Variants in CCDC167 observed in about 807,000 individuals in gnomAD.
CCDC167 encodes coiled-coil domain-containing protein 167.
In CCDC167, 15 loss-of-function variants were observed where a neutral mutation model predicts 12.7. The ratio of observed to expected loss-of-function variants is 1.18; its 90% CI spans 0.79 to 1.81. CCDC167 has a LOEUF of 1.81. Among genes scored for constraint, CCDC167 ranks in the 40% most tolerant of loss-of-function variants. The pLI is 0.00. For synonymous variants in CCDC167, 52 were observed against 49.0 expected, an observed-to-expected ratio of 1.06 and a Z score of -0.26; for missense variants, 121 against 120.1, an observed-to-expected ratio of 1.01 and a Z score of -0.03.
At chr6:37,495,177 C>G (rs1762084224) in intron 1 of CCDC167, among the ~76,000 whole-genome samples, 2 of 152,136 alleles carry the variant, frequency 1.3e-5, no homozygotes, top group Admixed American at 6.5e-5. Context: ...AACTTGTAGC[C>G]AAAAGCTTTC....
chr6:37,490,509 C>T (rs1762004537), intron 1 of CCDC167, among the ~76,000 whole-genome samples: 2 of 152,116 alleles, frequency 1.3e-5, no homozygotes, highest in South Asian at 4.1e-4. Flanking sequence ...ACAGAAAAGC[C>T]CCGTAGTGAT....
chr6:37,494,056 C>CTTTTTT (rs70977666), intron 1 of CCDC167, among the ~76,000 whole-genome samples: 6 of 91,386 alleles, frequency 6.6e-5, no homozygotes, highest in African/African-American at 2.6e-4. Context: ...GTGATCCTGC[C>CTTTTTT]TTTTTTTTTT....
chr6:37,497,984 G>A (rs1020128529), intron 1 of CCDC167, among the ~76,000 whole-genome samples: 3 of 152,060 alleles, frequency 2.0e-5, no homozygotes, highest in Admixed American at 1.3e-4. Context: ...AACAAGGCAG[G>A]GCATCATCAC....
intron 1 of CCDC167, among the ~76,000 whole-genome samples, chr6:37,489,922 C>T (rs923891516): frequency 2.0e-4 from 30 of 152,300 alleles, no homozygotes; most frequent in African/African-American, 6.3e-4. Flanking sequence ...GAGACCTAGA[C>T]GGCACAGTGT....
chr6:37,498,728 G>A (rs548353129), intron 1 of CCDC167, among the ~76,000 whole-genome samples: 1 of 152,262 alleles, frequency 6.6e-6, no homozygotes, highest in South Asian at 2.1e-4. Flanking sequence ...GGGAGGCTGA[G>A]GCACGAGAAT....
Position 37,484,865 on chromosome 6 carries a change from G to T in CCDC167, c.138-3C>A. 2 of 1,614,258 alleles carry T rather than the reference G, an allele frequency of 1.2e-6. No homozygotes were observed. Among genetic ancestry groups the T allele is most frequent in the Non-Finnish European group, 1.7e-6 (2 of 1,180,038 alleles). On this transcript the variant is annotated splice_region_variant and splice_polypyrimidine_tract_variant and intron_variant, in intron 2 of 3. Coordinates refer to ENST00000373408, the MANE Select transcript of CCDC167 (RefSeq NM_138493.3). Reference sequence around the variant, plus strand: ...TTTTCTCCTTCTCCAGGGACCTCCTGTGAGGGGAAAGGAGCTTCATGGACC... The same window carrying T: ...TTTTCTCCTTCTCCAGGGACCTCCTTTGAGGGGAAAGGAGCTTCATGGACC...
chr6:37,487,407 C>T (rs536575740), intron 1 of CCDC167, among the ~76,000 whole-genome samples: 8 of 152,278 alleles, frequency 5.3e-5, no homozygotes, highest in East Asian at 1.9e-4. Flanking sequence ...TTAGGTCTCA[C>T]GTAGCAACTG....
intron 1 of CCDC167, among the ~76,000 whole-genome samples, chr6:37,489,591 C>T (rs959052504): frequency 2.0e-5 from 3 of 152,088 alleles, no homozygotes; most frequent in Non-Finnish European, 4.4e-5. Context: ...AGCCTGGGGG[C>T]GGTCTGGGCA....
chr6:37,489,361 T>C (rs1222812487), intron 1 of CCDC167, among the ~76,000 whole-genome samples: 2 of 152,092 alleles, frequency 1.3e-5, no homozygotes, highest in African/African-American at 4.8e-5. Flanking sequence ...TCCCAGTCCA[T>C]GAAGAGGTTC....
At position 37,496,585 on chromosome 6, in the gene CCDC167, C is replaced by T. The variant is rs147261598; in HGVS notation, c.42+3237G>A. Among the ~76,000 whole-genome samples, 472 of 152,304 alleles carry T rather than the reference C, an allele frequency of 3.1e-3. 1 individual carries two copies. The highest frequency in any genetic ancestry group is 4.5e-3 in the Non-Finnish European group (303 of 68,026). ...AGATGAGTGAACGAATGCCCAAGAA[C>T]GAGTTTGACTTAGCCATGGTGGAAG... On this transcript the variant is annotated intron_variant, in intron 1 of 3. Coordinates refer to ENST00000373408, the MANE Select transcript of CCDC167 (RefSeq NM_138493.3).
At chr6:37,499,316 T>C (rs1460573247) in intron 1 of CCDC167, among the ~76,000 whole-genome samples, 1 of 152,218 alleles carries the variant, frequency 6.6e-6, no homozygotes, top group Non-Finnish European at 1.5e-5. Context: ...ATTCCCAAAG[T>C]AATTTTGAAG....
chr6:37,484,504 G>A (rs547094165), intron 3 of CCDC167, among the ~76,000 whole-genome samples: 2 of 152,196 alleles, frequency 1.3e-5, no homozygotes, highest in East Asian at 1.9e-4. Context: ...GGGCTGGGGC[G>A]TGGGGAGAGC....
intron 1 of CCDC167, among the ~76,000 whole-genome samples, chr6:37,498,929 ACT>A (rs752200977): frequency 5.9e-5 from 9 of 151,976 alleles, no homozygotes; most frequent in Non-Finnish European, 1.2e-4. Context: ...AAGCCCTGTG[ACT>A]CTATGCATGC....
chr6:37,484,179 A>C (rs1194431891), intron 3 of CCDC167, among the ~76,000 whole-genome samples: 1 of 152,158 alleles, frequency 6.6e-6, no homozygotes, highest in Non-Finnish European at 1.5e-5. Flanking sequence ...ACTCCTTGCC[A>C]TTAGAACCTT....
intron 3 of CCDC167, among the ~76,000 whole-genome samples, chr6:37,483,545 G>T (rs1480841826): frequency 6.6e-6 from 1 of 152,244 alleles, no homozygotes; most frequent in Non-Finnish European, 1.5e-5. Flanking sequence ...TGAGGTTGAG[G>T]GTGAGGTGGG....
chr6:37,488,685 T>C (rs1761976497), intron 1 of CCDC167, among the ~76,000 whole-genome samples: 2 of 152,224 alleles, frequency 1.3e-5, no homozygotes, highest in Admixed American at 6.5e-5. Flanking sequence ...TGTCACTCAC[T>C]TGTGGTATGA....
At chr6:37,493,477 C>T (rs1032692890) in intron 1 of CCDC167, among the ~76,000 whole-genome samples, 12 of 152,240 alleles carry the variant, frequency 7.9e-5, no homozygotes, top group African/African-American at 2.7e-4. Context: ...CATCCAGCCG[C>T]GCTAGGTAAT....
intron 3 of CCDC167, 24 bp from the exon 4 acceptor site, chr6:37,483,313 G>C (rs1255028083): frequency 6.5e-7 from 1 of 1,544,092 alleles, no homozygotes; most frequent in South Asian, 1.1e-5. Context: ...GGGTGATAGG[G>C]ATAGGACAGG....
intron 1 of CCDC167, among the ~76,000 whole-genome samples, chr6:37,498,428 A>G (rs575646214): frequency 1.3e-5 from 2 of 152,046 alleles, no homozygotes; most frequent in South Asian, 2.1e-4. Context: ...TCACATTTCC[A>G]TCAACCTTTT....
Sources: allele counts gnomAD v4.1 joint callset (sites outside exome capture counted in the v4.1 genomes callset), GRCh38; gene constraint gnomAD v4.1.1; transcripts MANE v1.5; gene names NCBI Gene and HGNC (gene_info 2026-07-23, HGNC 2026-07-21).